COL5A1: variants seen among roughly 807,000 people sequenced by gnomAD.
COL5A1 encodes collagen type V alpha 1 chain.
COL5A1 carries 16 observed loss-of-function variants against 263.7 expected under a neutral mutation model. The ratio of observed to expected loss-of-function variants is 0.06; its 90% CI spans 0.04 to 0.09. The LOEUF (loss-of-function observed/expected upper bound fraction) is 0.09, where lower values mean the gene tolerates loss of function less well. Among genes scored for constraint, COL5A1 ranks in the 10% least tolerant of loss-of-function variants. COL5A1 has a pLI of 1.00. For missense variants in COL5A1, 2,036 were observed against 2,540.5 expected, an observed-to-expected ratio of 0.80 and a Z score of 4.27; for synonymous variants, 1,012 against 1,004.5, an observed-to-expected ratio of 1.01 and a Z score of -0.14.
chr9:134,721,760 G>A (rs2132621685), intron 4 of COL5A1, among the ~76,000 whole-genome samples: 1 of 152,366 alleles, frequency 6.6e-6, no homozygotes, highest in East Asian at 1.9e-4. Flanking sequence ...AGGTTGCTGG[G>A]CTTCAGGGGA....
chr9:134,672,365 T>C lies in COL5A1; in HGVS notation c.110-18547T>C, dbSNP rs147147267. 4.1e-3 allele frequency among the ~76,000 whole-genome samples: 624 copies of C among 152,366 alleles called. 15 individuals are homozygous for C. In the South Asian group the frequency reaches 0.066, roughly 16 times the overall value. On this transcript the variant is annotated intron_variant, in intron 1 of 65. Transcript: ENST00000371817. ...GTGATGATTATGATGATGTTAATGA[T>C]GTTGGTTTCTATTAAGTATAACCAA...
At chr9:134,704,566 T>C (rs1833777948) in intron 4 of COL5A1, among the ~76,000 whole-genome samples, 1 of 152,180 alleles carries the variant, frequency 6.6e-6, no homozygotes, top group Non-Finnish European at 1.5e-5. Context: ...AATTCTGTGT[T>C]CCTGGTGAGC....
intron 11 of COL5A1, among the ~76,000 whole-genome samples, chr9:134,743,542 T>C (rs1365009191): frequency 6.6e-6 from 1 of 152,232 alleles, no homozygotes; most frequent in Non-Finnish European, 1.5e-5. Flanking sequence ...TGCAGGTTTC[T>C]TTCCCAGCCG....
chr9:134,789,729 C>T lies in COL5A1; in HGVS notation c.2700+521C>T, dbSNP rs1159241099. On this transcript the variant is annotated intron_variant, in intron 32 of 65. Transcript: ENST00000371817. This position sits in a 1 kb window ranked among gnomAD's most constrained non-coding sequence, Gnocchi z 4.8. ...GGTTTGAGTCCCCTTTGTCCTCACCCTCAGCGAAGGAACAGGGGGCCGGGC... is the reference window on the plus strand; with the variant it reads ...GGTTTGAGTCCCCTTTGTCCTCACCTTCAGCGAAGGAACAGGGGGCCGGGC... Among the ~76,000 whole-genome samples the T allele has an allele frequency of 1.3e-5, 2 of 152,230 alleles. No homozygotes were observed. Among genetic ancestry groups the T allele is most frequent in the Non-Finnish European group, 2.9e-5 (2 of 68,050 alleles).
intron 32 of COL5A1, among the ~76,000 whole-genome samples, chr9:134,793,391 G>C (rs537141883): frequency 1.3e-5 from 2 of 151,604 alleles, no homozygotes; most frequent in Non-Finnish European, 2.9e-5. Context: ...GGCTGGGGGG[G>C]GCATTCTGTT....
chr9:134,750,673 C>A, intron 12 of COL5A1, 57 bp downstream of exon 12: 1 of 1,601,194 alleles, frequency 6.2e-7, no homozygotes, highest in Non-Finnish European at 8.6e-7. Flanking sequence ...GGGATCCAAA[C>A]CAGACCCTCT....
intron 14 of COL5A1, among the ~76,000 whole-genome samples, chr9:134,752,982 C>T (rs1835841034): frequency 6.6e-6 from 1 of 152,102 alleles, no homozygotes; most frequent in African/African-American, 2.4e-5. Flanking sequence ...GGAGGCCCCT[C>T]CTCACCCCTG....
chr9:134,832,015 A>G (rs915842971), intron 64 of COL5A1, among the ~76,000 whole-genome samples: 1 of 152,182 alleles, frequency 6.6e-6, no homozygotes, highest in Non-Finnish European at 1.5e-5. Flanking sequence ...TTATAATCCC[A>G]GCACTTTGGG....
At position 134,731,607 on chromosome 9, in the gene COL5A1, T is replaced by A; in HGVS notation, c.1276T>A (p.Ser426Thr). ...CGACCCCTACTACGACCCCACCAGC[T>A]CCCCGTCGGAGATCGGGCCGGGAAT... ...YYDPYYDPTS[S>T]PSEIGPGMPA... Residue 426 changes from serine to threonine, a missense_variant, in exon 8 of 66, where the codon TCC becomes ACC. Physicochemically the swap from Ser to Thr is moderately conservative, Grantham distance 58. Around this residue, in one of 3 missense-constraint regions of COL5A1, gnomAD observed 600 missense variants for 634.5 expected, o/e 0.95. Coordinates refer to ENST00000371817, the MANE Select transcript of COL5A1 (RefSeq NM_000093.5). The A allele has an allele frequency of 6.2e-7, 1 of 1,613,990 alleles. No homozygotes were observed. The highest frequency in any genetic ancestry group is 8.5e-7 in the Non-Finnish European group (1 of 1,179,982).
In COL5A1 at chr9:134,642,263, C is replaced by G. The variant is rs1254852661; in HGVS notation, c.76C>G (p.Leu26Val). 1.6e-6 allele frequency: 2 copies of G among 1,239,944 alleles called. No individual in the cohort carries two copies. Among genetic ancestry groups the G allele is most frequent in the African/African-American group, 3.2e-5 (2 of 63,384 alleles). The allele number at this position is 1,239,944 out of a possible 1,614,324, so 76.8% of individuals were successfully genotyped here. ...CCCGCTGCTGCCCCCGCTGCTGCTG[C>G]TGCTGCTGTGGGCGCCGCCTCCGAG... is the stretch of plus-strand genomic sequence containing the variant. The part of the protein sequence containing the change: ...GAPLLPPLLL[L>V]LLWAPPPSRA... The change falls in exon 1 of 66, where the codon CTG (leucine) becomes GTG (valine). Residue 26 changes from leucine (L) to valine (V), a missense_variant. Around this residue, in one of 3 missense-constraint regions of COL5A1, gnomAD observed 600 missense variants for 634.5 expected, o/e 0.95. Transcript: ENST00000371817. The surrounding 1 kb of genome is among the most constrained non-coding windows in gnomAD (Gnocchi z 4.5).
intron 1 of COL5A1, among the ~76,000 whole-genome samples, chr9:134,655,956 G>C (rs952205152): frequency 5.3e-5 from 8 of 152,204 alleles, no homozygotes; most frequent in African/African-American, 1.9e-4. Context: ...AGTTCTCTGG[G>C]TCTGTAACCC....
At chr9:134,702,566 A>T (rs1033021589) in intron 4 of COL5A1, among the ~76,000 whole-genome samples, 19 of 152,200 alleles carry the variant, frequency 1.2e-4, no homozygotes, top group Non-Finnish European at 2.5e-4. Flanking sequence ...GAGACATCAC[A>T]CGTACTAGTT....
chr9:134,818,257 C>T lies in COL5A1; in HGVS notation c.4231-399C>T, dbSNP rs953739282. ...GGGACGCCGTCACCCATGCAGTTGG[C>T]TTGGGGCCTGGCCCAGAGCACACGG... is the stretch of plus-strand genomic sequence containing the variant. On this transcript the variant is annotated intron_variant, in intron 54 of 65. Transcript: ENST00000371817. The surrounding 1 kb of genome is among the most constrained non-coding windows in gnomAD (Gnocchi z 6.0). Among the ~76,000 whole-genome samples, 2 of 152,338 alleles carry T rather than the reference C, an allele frequency of 1.3e-5. No individual in the cohort carries two copies. Among genetic ancestry groups the T allele is most frequent in the Non-Finnish European group, 2.9e-5 (2 of 68,020 alleles).
intron 1 of COL5A1, among the ~76,000 whole-genome samples, chr9:134,665,793 T>TA (rs980905968): frequency 1.3e-5 from 2 of 152,108 alleles, no homozygotes; most frequent in Non-Finnish European, 2.9e-5. Context: ...CTTGTGGTCT[T>TA]AAAAAATAAA....
chr9:134,676,983 T>C (rs1832701773), intron 1 of COL5A1, among the ~76,000 whole-genome samples: 1 of 152,214 alleles, frequency 6.6e-6, no homozygotes, highest in Non-Finnish European at 1.5e-5. Flanking sequence ...CTAAAGGAGC[T>C]CACGGTCTGG....
intron 4 of COL5A1, among the ~76,000 whole-genome samples, chr9:134,717,562 A>G (rs34326204): frequency 0.25 from 38,353 of 152,068 alleles, 5,004 homozygotes; most frequent in East Asian, 0.4. Flanking sequence ...CCTCCCAGTC[A>G]GCGTGTTAAC....
chr9:134,830,296 C>T, intron 64 of COL5A1: 3 of 1,009,712 alleles, frequency 3.0e-6, no homozygotes, highest in Admixed American at 2.1e-5. Context: ...CAAACCGCTC[C>T]ACATCACGTG....
intron 11 of COL5A1, among the ~76,000 whole-genome samples, chr9:134,744,315 ACATGCACT>A (rs1170141779): frequency 1.3e-5 from 2 of 151,766 alleles, no homozygotes; most frequent in Non-Finnish European, 1.5e-5. Context: ...ACTCACATTC[ACATGCACT>A]CATGCACACA....
At position 134,809,254 on chromosome 9, in the gene COL5A1, T is replaced by C; in HGVS notation, c.3438T>C (p.Ala1146=). Residue 1146 remains alanine, a synonymous_variant, in exon 43 of 66, where the codon GCT becomes GCC. Coordinates refer to ENST00000371817, the MANE Select transcript of COL5A1 (RefSeq NM_000093.5). Reference sequence around the variant, plus strand: ...GGCCTGTGGGGCTCCCGGGTCCAGCTGGCCCTGTGGGTCCCCCTGGAGAAG... The same window carrying C: ...GGCCTGTGGGGCTCCCGGGTCCAGCCGGCCCTGTGGGTCCCCCTGGAGAAG... ...LQGPVGLPGP[A]GPVGPPGEDG... 1 of 1,609,124 alleles carries C rather than the reference T, an allele frequency of 6.2e-7. No homozygotes were observed. Among genetic ancestry groups the C allele is most frequent in the Non-Finnish European group, 8.5e-7 (1 of 1,178,284 alleles).
Sources: gnomAD v4.1 joint callset for allele counts (sites outside exome capture counted in the v4.1 genomes callset) on GRCh38, gnomAD v4.1.1 for gene constraint, gnomAD v4.1.1 regional missense constraint, Gnocchi (gnomAD v3.1) non-coding constraint, MANE v1.5 for transcripts, NCBI Gene and HGNC (gene_info 2026-07-23, HGNC 2026-07-21) for gene names.